PLEKHH2: variants seen among roughly 807,000 people sequenced by gnomAD.
The protein encoded by PLEKHH2 is pleckstrin homology domain-containing family H member 2.
In PLEKHH2, 129 loss-of-function variants were observed where a neutral mutation model predicts 187.9. The observed-to-expected ratio is 0.69, with a 90% CI of 0.59 to 0.79. The LOEUF is 0.79. Among genes scored for constraint, PLEKHH2 ranks in the 30% least tolerant of loss-of-function variants. The pLI is 0.00. For synonymous variants in PLEKHH2, 686 were observed against 605.6 expected, an observed-to-expected ratio of 1.13 and a Z score of -1.95; for missense variants, 2,076 against 1,751.2, an observed-to-expected ratio of 1.19 and a Z score of -3.31.
At chr2:43,744,867 C>T (rs186366380) in intron 23 of PLEKHH2, among the ~76,000 whole-genome samples, 8 of 82,762 alleles carry the variant, frequency 9.7e-5, no homozygotes, top group Non-Finnish European at 8.1e-5. Context: ...GACTGTCTCA[C>T]AAAAAAAAAA....
At chr2:43,703,898 A>T (rs866725093) in intron 8 of PLEKHH2, 83 bp from the exon 9 acceptor site, 6 of 845,826 alleles carry the variant, frequency 7.1e-6, no homozygotes, top group Non-Finnish European at 1.1e-5. Flanking sequence ...AATGAAAAAC[A>T]TGTGTATTGA....
chr2:43,672,847 A>C (rs115802624), intron 2 of PLEKHH2, among the ~76,000 whole-genome samples: 1 of 152,120 alleles, frequency 6.6e-6, no homozygotes, highest in Non-Finnish European at 1.5e-5. Context: ...TTTATCCATA[A>C]TCCTGTCACC....
chr2:43,709,975 T>G lies in PLEKHH2; in HGVS notation c.1967-15T>G. ...GTATTAAATACTGACTTGATTTCTT[T>G]CTTTGTTCTCTTAGGTGTGTCTCTC... On this transcript the variant is annotated splice_polypyrimidine_tract_variant and intron_variant, in intron 11 of 29. Transcript: ENST00000282406. 1 of 1,594,298 alleles carries G rather than the reference T, an allele frequency of 6.3e-7. No homozygotes were observed. Among genetic ancestry groups the G allele is most frequent in the Non-Finnish European group, 8.5e-7 (1 of 1,172,688 alleles).
At chr2:43,700,716 G>T in intron 8 of PLEKHH2, 108 bp downstream of exon 8, 9 of 1,374,540 alleles carry the variant, frequency 6.5e-6, no homozygotes, top group Non-Finnish European at 8.8e-6. Flanking sequence ...GCAGTGGCGC[G>T]ATCTTGGCTC....
chr2:43,761,893 C>T (rs936832972), intron 27 of PLEKHH2, among the ~76,000 whole-genome samples: 3 of 152,110 alleles, frequency 2.0e-5, no homozygotes, highest in African/African-American at 7.2e-5. Context: ...AATAGCACTA[C>T]ACAACTTATC....
Position 43,712,239 on chromosome 2 carries a change from A to G in PLEKHH2, c.2316A>G (p.Lys772=). ...NKQTVQLTTE[K]HTYYLTADSP... ...TTGCATTCTAGTTGACCACTGAAAAACACACATACTATCTGACTGCAGATT... is the reference window on the plus strand; with the variant it reads ...TTGCATTCTAGTTGACCACTGAAAAGCACACATACTATCTGACTGCAGATT... The change falls in exon 15 of 30, where the codon AAA becomes AAG. Residue 772 remains lysine (K), a synonymous_variant. Coordinates refer to ENST00000282406, the MANE Select transcript of PLEKHH2 (RefSeq NM_172069.4). 10 of 1,613,070 alleles carry G rather than the reference A, an allele frequency of 6.2e-6. No homozygotes were observed. The highest frequency in any genetic ancestry group is 8.5e-6 in the Non-Finnish European group (10 of 1,179,080).
At chr2:43,741,096 G>C (rs371743825) in intron 21 of PLEKHH2, 53 bp downstream of exon 21, 3 of 1,486,906 alleles carry the variant, frequency 2.0e-6, no homozygotes, top group Non-Finnish European at 1.9e-6. Context: ...GAAAGTCTAC[G>C]ATAAATCATA....
At chr2:43,639,474 T>C (rs1376072848) in intron 1 of PLEKHH2, among the ~76,000 whole-genome samples, 2 of 152,178 alleles carry the variant, frequency 1.3e-5, no homozygotes, top group Non-Finnish European at 2.9e-5. Context: ...TTTCTGTCCT[T>C]TGGATTTGCC....
At position 43,644,250 on chromosome 2, in the gene PLEKHH2, T is replaced by C. The variant is rs535531068; in HGVS notation, c.-3-421T>C. Among the ~76,000 whole-genome samples, 617 of 152,254 alleles carry C rather than the reference T, an allele frequency of 4.1e-3. 2 individuals carry two copies. Among genetic ancestry groups the C allele is most frequent in the Non-Finnish European group, 6.6e-3 (447 of 67,974 alleles). On this transcript the variant is annotated intron_variant, in intron 1 of 29. Transcript: ENST00000282406. The stretch of plus-strand genomic sequence containing the variant: ...ATTATGAGCTGATAGATTCAAACAA[T>C]CTTATCTGTTGGGCACAGCTAAAAT...
rs145345135 is a variant in PLEKHH2 at position 43,652,228 on chromosome 2, G to T, written c.123+7432G>T. 4.6e-5 allele frequency among the ~76,000 whole-genome samples: 7 copies of T among 152,316 alleles called. No individual in the cohort carries two copies. In the East Asian group the frequency reaches 1.3e-3, roughly 29 times the overall value. On this transcript the variant is annotated intron_variant, in intron 2 of 29. Transcript: ENST00000282406. Reference sequence around the variant, plus strand: ...CTAGACATTTGGCAGATGGGTTTAAGAGAGAAGGTTTCAATGAATTAGTTG... The same window carrying T: ...CTAGACATTTGGCAGATGGGTTTAATAGAGAAGGTTTCAATGAATTAGTTG...
At chr2:43,694,645 A>C (rs559542311) in intron 5 of PLEKHH2, 131 bp downstream of exon 5, 1 of 951,222 alleles carries the variant, frequency 1.1e-6, no homozygotes, top group African/African-American at 1.7e-5. Context: ...ATCTTTTGAT[A>C]AATGAGATAT....
At chr2:43,679,559 G>A (rs770992487) in intron 3 of PLEKHH2, 27 of 296,422 alleles carry the variant, frequency 9.1e-5, no homozygotes, top group Non-Finnish European at 1.5e-4. Flanking sequence ...GCAGTGGCGC[G>A]ATCTTGGCTT....
chr2:43,684,901 G>C (rs895928762), intron 3 of PLEKHH2, among the ~76,000 whole-genome samples: 2 of 146,908 alleles, frequency 1.4e-5, no homozygotes, highest in Non-Finnish European at 3.0e-5. Flanking sequence ...ATTTCTTTTT[G>C]TCACAACACT....
At chr2:43,740,701 C>T (rs1671523583) in intron 20 of PLEKHH2, 1 of 413,138 alleles carries the variant, frequency 2.4e-6, no homozygotes, top group Non-Finnish European at 3.7e-6. Context: ...AGCACCTTGT[C>T]TGCTTGTGCC....
At chr2:43,758,756 G>C (rs1672313449) in intron 26 of PLEKHH2, 144 bp from the exon 27 acceptor site, 1 of 592,612 alleles carries the variant, frequency 1.7e-6, no homozygotes, top group Non-Finnish European at 2.7e-6. Context: ...TGTGATGAGA[G>C]TCACAAAATC....
In PLEKHH2 at chr2:43,697,180, G is replaced by A. The variant is rs1169085293; in HGVS notation, c.512G>A (p.Gly171Glu). Residue 171 changes from glycine to glutamate, a missense_variant, in exon 7 of 30, where the codon GGA becomes GAA. By Grantham distance (98) the Gly-to-Glu change is moderately conservative. Coordinates refer to ENST00000282406, the MANE Select transcript of PLEKHH2 (RefSeq NM_172069.4). ...TMQSKLQEVQ[G>E]KKSSTVSTLK... is the part of the protein sequence containing the mutation. ...ATTAACGATGTTGTAGAAGTTCAAG[G>A]AAAGAAGTCATCCACTGTCTCTACA... is the stretch of plus-strand genomic sequence containing the variant. 1 of 1,568,874 alleles carries A rather than the reference G, an allele frequency of 6.4e-7. No homozygotes were observed.
intron 2 of PLEKHH2, among the ~76,000 whole-genome samples, chr2:43,673,883 T>G (rs1217603400): frequency 6.6e-6 from 1 of 152,168 alleles, no homozygotes; most frequent in Non-Finnish European, 1.5e-5. Context: ...TCCTTTTCAT[T>G]AAGAAAGCAA....
At chr2:43,714,077 T>C (rs1050486343) in intron 15 of PLEKHH2, among the ~76,000 whole-genome samples, 2 of 152,218 alleles carry the variant, frequency 1.3e-5, no homozygotes, top group South Asian at 4.1e-4. Context: ...ACTGCTACTT[T>C]AAATCACATT....
Position 43,700,465 on chromosome 2 carries a change from A to G in PLEKHH2, c.1507A>G (p.Met503Val). 2 of 1,614,130 alleles carry G rather than the reference A, an allele frequency of 1.2e-6. No homozygotes were observed. The highest frequency in any genetic ancestry group is 8.5e-7 in the Non-Finnish European group (1 of 1,180,030). ...DGDSTEVLEN[M>V]DTSCDDGLFS... ...AGACAGTACAGAAGTTTTAGAGAAT[A>G]TGGACACGAGTTGTGATGATGGATT... Residue 503 changes from methionine (M) to valine (V), a missense_variant, in exon 8 of 30, where the codon ATG becomes GTG. By Grantham distance (21) the Met-to-Val change is conservative. Coordinates refer to ENST00000282406, the MANE Select transcript of PLEKHH2 (RefSeq NM_172069.4).
Sources: gnomAD v4.1 joint callset for allele counts (sites outside exome capture counted in the v4.1 genomes callset) on GRCh38, gnomAD v4.1.1 for gene constraint, MANE v1.5 for transcripts, NCBI Gene and HGNC (gene_info 2026-07-23, HGNC 2026-07-21) for gene names.